Variants in CTTNBP2NL observed in about 807,000 individuals in gnomAD.
CTTNBP2NL encodes the protein CTTNBP2 N-terminal like.
In CTTNBP2NL, 16 loss-of-function variants were observed where a neutral mutation model predicts 32.5. That is an observed-to-expected ratio of 0.49 (90% CI 0.33 to 0.75). The LOEUF is 0.75. Ranked by LOEUF, CTTNBP2NL falls within the 30% of genes least tolerant of loss-of-function variation. The pLI is 0.02. For missense variants in CTTNBP2NL, 645 were observed against 756.0 expected, an observed-to-expected ratio of 0.85 and a Z score of 1.72; for synonymous variants, 298 against 289.4, an observed-to-expected ratio of 1.03 and a Z score of -0.30.
intron 3 of CTTNBP2NL, among the ~76,000 whole-genome samples, chr1:112,429,987 G>C (rs1471808067): frequency 6.6e-6 from 1 of 152,124 alleles, no homozygotes; most frequent in Non-Finnish European, 1.5e-5. Context: ...GGAAGTGCCA[G>C]ATTCAGTGGT....
chr1:112,395,484 C>T (rs1648291126), upstream of CTTNBP2NL, among the ~76,000 whole-genome samples: 2 of 152,202 alleles, frequency 1.3e-5, no homozygotes, highest in Admixed American at 6.5e-5. Flanking sequence ...AAACACCATT[C>T]CCCACAATAT....
intron 1 of CTTNBP2NL, among the ~76,000 whole-genome samples, chr1:112,407,702 C>A (rs183210640): frequency 6.6e-6 from 1 of 152,140 alleles, no homozygotes; most frequent in Non-Finnish European, 1.5e-5. Flanking sequence ...CCAGTAATAT[C>A]TTTCACCTTC....
Position 112,457,019 on chromosome 1 carries a change from C to G in CTTNBP2NL, c.1527C>G (p.Leu509=), listed in dbSNP as rs1295270333. 1 of 1,614,140 alleles carries G rather than the reference C, an allele frequency of 6.2e-7. No individual in the cohort carries two copies. The highest frequency in any genetic ancestry group is 1.1e-5 in the South Asian group (1 of 91,088). Residue 509 remains leucine (L), a synonymous_variant, in exon 6 of 6, where the codon CTC becomes CTG. Coordinates refer to ENST00000271277, the MANE Select transcript of CTTNBP2NL (RefSeq NM_018704.3). ...CCCGAAACACAGTCACTCAGGTGCTCTCCAGATTCACTAGCCAACAAGGGC... is the reference window on the plus strand; with the variant it reads ...CCCGAAACACAGTCACTCAGGTGCTGTCCAGATTCACTAGCCAACAAGGGC... ...QLARNTVTQV[L]SRFTSQQGPI... is the part of the protein sequence containing the mutation.
chr1:112,412,208 C>T lies in CTTNBP2NL; in HGVS notation c.-119C>T, dbSNP rs1448495190. The T allele has an allele frequency of 1.3e-5, 2 of 152,176 alleles. No homozygotes were observed. Among genetic ancestry groups the T allele is most frequent in the African/African-American group, 4.8e-5 (2 of 41,432 alleles). 9.4% of individuals were successfully genotyped at this position (152,176 alleles called of 1,614,324 possible). A position where few individuals can be genotyped will look rare whatever the true frequency, so the allele number is the denominator to read the frequency against. On this transcript the variant is annotated 5_prime_UTR_variant, in exon 2 of 6. Transcript: ENST00000271277. Reference sequence around the variant, plus strand: ...TTATTTTGCAGCATTGGACACATTTCCACCATGCTAATGGCATTTTAAATA... The same window carrying T: ...TTATTTTGCAGCATTGGACACATTTTCACCATGCTAATGGCATTTTAAATA...
At chr1:112,395,165 T>C (rs2488767), upstream of CTTNBP2NL, among the ~76,000 whole-genome samples, 10,878 of 152,272 alleles carry the variant, frequency 0.071, 1,263 homozygotes, top group African/African-American at 0.24. Context: ...AGGGATAATG[T>C]ATTAAGTGTA....
chr1:112,419,294 GTGA>G (rs1649156063), intron 3 of CTTNBP2NL, among the ~76,000 whole-genome samples: 1 of 152,112 alleles, frequency 6.6e-6, no homozygotes, highest in Admixed American at 6.5e-5. Flanking sequence ...TTTAACTGTT[GTGA>G]GTTTTTTCAG....
chr1:112,391,990 C>CAATA (rs140750530), upstream of CTTNBP2NL, among the ~76,000 whole-genome samples: 16,527 of 149,124 alleles, frequency 0.11, 1,089 homozygotes, highest in East Asian at 0.29. Context: ...GACCCTGTCT[C>CAATA]AATAAATAAA....
rs745378489 is a variant in CTTNBP2NL at position 112,456,049 on chromosome 1, G to A, written c.557G>A (p.Cys186Tyr). The A allele has an allele frequency of 1.2e-6, 2 of 1,614,186 alleles. No individual in the cohort carries two copies. Among genetic ancestry groups the A allele is most frequent in the South Asian group, 1.1e-5 (1 of 91,078 alleles). The stretch of plus-strand genomic sequence containing the variant: ...CTCTCATCCATGCTAGTGCTTGAGT[G>A]CAAGAAAGCCACCAACAAGGCAGCC... Reference protein sequence around the residue: ...KQLSSMLVLECKKATNKAAEE... With the variant: ...KQLSSMLVLEYKKATNKAAEE... Residue 186 changes from cysteine (C) to tyrosine (Y), a missense_variant, in exon 6 of 6, where the codon TGC (cysteine) becomes TAC (tyrosine). Physicochemically the swap from Cys to Tyr is radical, Grantham distance 194. Coordinates refer to ENST00000271277, the MANE Select transcript of CTTNBP2NL (RefSeq NM_018704.3).
At chr1:112,454,351 G>A in intron 4 of CTTNBP2NL, 98 bp from the exon 5 acceptor site, 5 of 809,730 alleles carry the variant, frequency 6.2e-6, no homozygotes, top group Non-Finnish European at 1.0e-5. Context: ...TTGATCTCTG[G>A]AACTATCTAA....
intron 2 of CTTNBP2NL, among the ~76,000 whole-genome samples, chr1:112,414,142 G>T (rs1198699207): frequency 6.6e-6 from 1 of 152,052 alleles, no homozygotes; most frequent in African/African-American, 2.4e-5. Context: ...GAGGTGGGCG[G>T]ATCACCTGAG....
chr1:112,455,875 G>T (rs1324180828), intron 5 of CTTNBP2NL, 56 bp from the exon 6 acceptor site: 8 of 1,298,618 alleles, frequency 6.2e-6, no homozygotes, highest in Non-Finnish European at 8.5e-6. Context: ...AGCTAACGAA[G>T]ACAGTCTACT....
chr1:112,458,727 T>A lies in CTTNBP2NL; in HGVS notation c.*1315T>A, dbSNP rs961166180. The A allele has an allele frequency of 1.3e-5, 2 of 152,106 alleles. No homozygotes were observed. The highest frequency in any genetic ancestry group is 4.8e-5 in the African/African-American group (2 of 41,392). 9.4% of individuals were successfully genotyped at this position (152,106 alleles called of 1,614,324 possible). A position where few individuals can be genotyped will look rare whatever the true frequency, so the allele number is the denominator to read the frequency against. On this transcript the variant is annotated 3_prime_UTR_variant, in exon 6 of 6. Transcript: ENST00000271277. ...TGGCTCATGCCTGTAATCTTATCACTTTGGGAGGCTGAGATGGGAGGATCT... is the reference window on the plus strand; with the variant it reads ...TGGCTCATGCCTGTAATCTTATCACATTGGGAGGCTGAGATGGGAGGATCT...
At chr1:112,424,663 A>G (rs529520473) in intron 3 of CTTNBP2NL, among the ~76,000 whole-genome samples, 1 of 152,218 alleles carries the variant, frequency 6.6e-6, no homozygotes, top group South Asian at 2.1e-4. Flanking sequence ...GCTATATCTC[A>G]TCATTTATTT....
At chr1:112,411,597 T>G (rs1414226105) in intron 1 of CTTNBP2NL, among the ~76,000 whole-genome samples, 1 of 152,118 alleles carries the variant, frequency 6.6e-6, no homozygotes, top group African/African-American at 2.4e-5. Flanking sequence ...AGAGGCTGAT[T>G]TGTTTGTTTA....
intron 1 of CTTNBP2NL, among the ~76,000 whole-genome samples, chr1:112,399,717 A>G (rs1267845282): frequency 2.6e-5 from 4 of 152,202 alleles, no homozygotes; most frequent in East Asian, 1.9e-4. Context: ...TGTTCAGTCT[A>G]TGCTGGTTGG....
At chr1:112,423,539 A>G (rs1182357748) in intron 3 of CTTNBP2NL, among the ~76,000 whole-genome samples, 1 of 152,158 alleles carries the variant, frequency 6.6e-6, no homozygotes, top group Non-Finnish European at 1.5e-5. Context: ...GCCATAATCT[A>G]GACCAGGAAA....
In CTTNBP2NL at chr1:112,458,126, TTC is replaced by T. The variant is rs1650433254; in HGVS notation, c.*716_*717del. On this transcript the variant is annotated 3_prime_UTR_variant, in exon 6 of 6. Transcript: ENST00000271277. ...AGTCACTCCCAGTTTCCTGCATAAGTTCTTGAACAGAATGAAATCACATCTCC... is the reference window on the plus strand; with the variant it reads ...AGTCACTCCCAGTTTCCTGCATAAGTTTGAACAGAATGAAATCACATCTCC... 1 of 152,638 alleles carries T rather than the reference TTC, an allele frequency of 6.6e-6. No individual in the cohort carries two copies. Among genetic ancestry groups the T allele is most frequent in the African/African-American group, 2.4e-5 (1 of 41,448 alleles). 9.5% of individuals were successfully genotyped at this position (152,638 alleles called of 1,614,324 possible).
chr1:112,454,489 A>G lies in CTTNBP2NL; in HGVS notation c.371A>G (p.Gln124Arg). The change falls in exon 5 of 6, where the codon CAG becomes CGG. Residue 124 changes from glutamine (Q) to arginine (R), a missense_variant. Transcript: ENST00000271277. Reference protein sequence around the residue: ...DLEEERQRHAQDTAEGDDVTY... With the variant: ...DLEEERQRHARDTAEGDDVTY... Reference sequence around the variant, plus strand: ...GAGGAAGAAAGGCAGCGGCATGCACAGGATACGGCTGAAGGAGATGATGTC... The same window carrying G: ...GAGGAAGAAAGGCAGCGGCATGCACGGGATACGGCTGAAGGAGATGATGTC... The G allele has an allele frequency of 6.2e-7, 1 of 1,614,100 alleles. No individual in the cohort carries two copies. The highest frequency in any genetic ancestry group is 8.5e-7 in the Non-Finnish European group (1 of 1,179,942).
chr1:112,407,706 C>G (rs1328574192), intron 1 of CTTNBP2NL, among the ~76,000 whole-genome samples: 1 of 152,136 alleles, frequency 6.6e-6, no homozygotes, highest in African/African-American at 2.4e-5. Context: ...TAATATCTTT[C>G]ACCTTCATCT....
Sources: allele counts gnomAD v4.1 joint callset (sites outside exome capture counted in the v4.1 genomes callset), GRCh38; gene constraint gnomAD v4.1.1; transcripts MANE v1.5; gene names NCBI Gene and HGNC (gene_info 2026-07-23, HGNC 2026-07-21).